Variants in DLG2 observed in about 807,000 individuals in gnomAD.
DLG2 encodes the protein disks large homolog 2.
In DLG2, 45 loss-of-function variants were observed where a neutral mutation model predicts 132.5. The ratio of observed to expected loss-of-function variants is 0.34; its 90% confidence interval spans 0.27 to 0.44. The LOEUF (loss-of-function observed/expected upper bound fraction) is 0.44, where lower values mean the gene tolerates loss of function less well. Ranked by LOEUF, DLG2 falls within the 20% of genes least tolerant of loss-of-function variation. The probability of loss-of-function intolerance (pLI) is 1.00; values close to 1 mark genes in which losing one functional copy is unlikely to be tolerated. For synonymous variants in DLG2, 424 were observed against 419.6 expected (o/e 1.01, Z -0.13); for missense variants, 1,045 against 1,196.9 (o/e 0.87, Z 1.87).
At chr11:84,461,081 A>C (rs1473361419) in intron 7 of DLG2, among the ~76,000 whole-genome samples, 1 of 150,896 alleles carries the variant, frequency 6.6e-6, no homozygotes, top group Admixed American at 6.6e-5. Context: ...AATTTAGTGA[A>C]ACTGCATTAG....
At chr11:85,520,811 T>C (rs536875582) in intron 3 of DLG2, among the ~76,000 whole-genome samples, 113 of 152,290 alleles carry the variant, frequency 7.4e-4, no homozygotes, top group African/African-American at 2.6e-3. Context: ...GATATTCATA[T>C]GCAGAAGAAT....
intron 4 of DLG2, among the ~76,000 whole-genome samples, chr11:85,207,453 AT>A (rs2081971411): frequency 6.6e-6 from 1 of 152,102 alleles, no homozygotes; most frequent in African/African-American, 2.4e-5. Context: ...CTCCTTCTAT[AT>A]TTTTTATTCT....
At position 85,427,931 on chromosome 11, in the gene DLG2, G is replaced by A. The variant is rs181519026; in HGVS notation, c.41-142566C>T. 3.0e-3 allele frequency among the ~76,000 whole-genome samples: 464 copies of A among 152,218 alleles called. 2 individuals are homozygous for A. The highest frequency in any genetic ancestry group is 0.011 in the African/African-American group (447 of 41,480). On this transcript the variant is annotated intron_variant, in intron 3 of 27. Transcript: ENST00000376104. ...GGCTCAAAATAAAGGGATGGAGGAA[G>A]ATCTACCAAGGAAATGGAAAACAAA...
At chr11:85,143,467 C>G (rs1300261467) in intron 5 of DLG2, among the ~76,000 whole-genome samples, 1 of 151,334 alleles carries the variant, frequency 6.6e-6, no homozygotes, top group Non-Finnish European at 1.5e-5. Flanking sequence ...TGTTGATTTA[C>G]TAATTTTTGC....
chr11:84,910,035 G>T (rs900733660), intron 6 of DLG2, among the ~76,000 whole-genome samples: 18 of 152,294 alleles, frequency 1.2e-4, no homozygotes, highest in African/African-American at 3.8e-4. Context: ...CAATGTTATT[G>T]ACTGCTGGAC....
At chr11:84,828,226 G>A (rs1287001004) in intron 6 of DLG2, among the ~76,000 whole-genome samples, 1 of 151,746 alleles carries the variant, frequency 6.6e-6, no homozygotes, top group Non-Finnish European at 1.5e-5. Flanking sequence ...GGGATAGGCT[G>A]GCTTTCATTG....
At chr11:84,905,194 A>G (rs7931437) in intron 6 of DLG2, among the ~76,000 whole-genome samples, 72,983 of 151,996 alleles carry the variant, frequency 0.48, 17,961 homozygotes, top group South Asian at 0.62. Context: ...AAATTCAGGC[A>G]TGACCTGAAT....
Position 85,228,255 on chromosome 11 carries a change from C to T in DLG2, c.186+56965G>A, listed in dbSNP as rs186477223. Among the ~76,000 whole-genome samples, 369 of 152,070 alleles carry T rather than the reference C, an allele frequency of 2.4e-3. 2 individuals are homozygous for T. Among genetic ancestry groups the T allele is most frequent in the South Asian group, 9.8e-3 (47 of 4,818 alleles). On this transcript the variant is annotated intron_variant, in intron 4 of 27. Transcript: ENST00000376104. Reference sequence around the variant, plus strand: ...TAAAGGCTAAAGTATGATGAGGCCCCCAGGAAGAGCTAGCAAGTTCTGCTT... The same window carrying T: ...TAAAGGCTAAAGTATGATGAGGCCCTCAGGAAGAGCTAGCAAGTTCTGCTT...
intron 18 of DLG2, among the ~76,000 whole-genome samples, chr11:83,776,846 T>G (rs12290852): frequency 0.23 from 35,412 of 152,190 alleles, 4,555 homozygotes; most frequent in African/African-American, 0.34. Context: ...AATGCCTTCT[T>G]GACGCTCTCC....
chr11:84,152,391 CTT>C (rs763306023), intron 9 of DLG2, among the ~76,000 whole-genome samples: 3 of 140,464 alleles, frequency 2.1e-5, no homozygotes, highest in Admixed American at 7.1e-5. Flanking sequence ...TTTGTTTTCT[CTT>C]TTTTTTTTTT....
chr11:84,771,336 A>G (rs925245872), intron 6 of DLG2, among the ~76,000 whole-genome samples: 5 of 152,078 alleles, frequency 3.3e-5, no homozygotes, highest in African/African-American at 1.2e-4. Context: ...ATGGTATCTC[A>G]TTGTGGTTTT....
At chr11:84,698,587 A>G (rs186310634) in intron 6 of DLG2, among the ~76,000 whole-genome samples, 3 of 151,740 alleles carry the variant, frequency 2.0e-5, no homozygotes, top group African/African-American at 7.2e-5. Flanking sequence ...ATCATATGTA[A>G]TAAGTGCATA....
chr11:84,345,905 A>G (rs779253992), intron 7 of DLG2, among the ~76,000 whole-genome samples: 1 of 152,218 alleles, frequency 6.6e-6, no homozygotes, highest in Non-Finnish European at 1.5e-5. Context: ...TACAAAGCCA[A>G]AAATATTTAC....
At chr11:85,419,390 C>T (rs1470745753) in intron 3 of DLG2, among the ~76,000 whole-genome samples, 3 of 152,092 alleles carry the variant, frequency 2.0e-5, no homozygotes, top group Non-Finnish European at 4.4e-5. Flanking sequence ...ATAAATCTGT[C>T]GATTATGTGT....
intron 6 of DLG2, among the ~76,000 whole-genome samples, chr11:84,674,434 G>A (rs2099709198): frequency 1.3e-5 from 2 of 152,052 alleles, no homozygotes; most frequent in African/African-American, 4.8e-5. Context: ...AGGCACTGTG[G>A]TAGTTTATCC....
chr11:84,122,510 A>T (rs1009259653), intron 9 of DLG2, among the ~76,000 whole-genome samples: 1 of 152,076 alleles, frequency 6.6e-6, no homozygotes, highest in Non-Finnish European at 1.5e-5. Flanking sequence ...CAAGCAGCCT[A>T]TGAGTTCACA....
At chr11:84,706,608 G>A (rs2059809095) in intron 6 of DLG2, among the ~76,000 whole-genome samples, 1 of 151,552 alleles carries the variant, frequency 6.6e-6, no homozygotes, top group Non-Finnish European at 1.5e-5. Context: ...AACTTACTTT[G>A]GAAAATCTGC....
intron 6 of DLG2, among the ~76,000 whole-genome samples, chr11:84,904,478 T>A (rs780861880): frequency 1.4e-4 from 21 of 152,198 alleles, no homozygotes; most frequent in Non-Finnish European, 2.5e-4. Flanking sequence ...TTTAACTAAA[T>A]CAGACTATAC....
Position 83,558,332 on chromosome 11 carries a change from A to T in DLG2, c.1941-16474T>A, listed in dbSNP as rs558130336. ...ATTTAAAAAATTTTTTATTTAAAAA[A>T]CTTTTATCTTATTATCTTCTGTCAA... On this transcript the variant is annotated intron_variant, in intron 19 of 27. Coordinates refer to ENST00000376104, the MANE Select transcript of DLG2 (RefSeq NM_001142699.3). Among the ~76,000 whole-genome samples, 8 of 152,260 alleles carry T rather than the reference A, an allele frequency of 5.3e-5. No homozygotes were observed. In the East Asian group the frequency reaches 1.4e-3, roughly 26 times the overall value.
Sources: allele counts gnomAD v4.1 joint callset (sites outside exome capture counted in the v4.1 genomes callset), GRCh38; gene constraint gnomAD v4.1.1; transcripts MANE v1.5; gene names NCBI Gene and HGNC (gene_info 2026-07-23, HGNC 2026-07-21).